Variants in PDPK1 observed in about 807,000 individuals in gnomAD.
PDPK1 encodes the protein 3-phosphoinositide-dependent protein kinase 1.
A neutral mutation model predicts 39.8 loss-of-function variants in PDPK1; 7 were observed. That is an observed-to-expected ratio of 0.18 (90% CI 0.10 to 0.33). The LOEUF (loss-of-function observed/expected upper bound fraction) is 0.33, where lower values mean the gene tolerates loss of function less well. Among genes scored for constraint, PDPK1 ranks in the 10% least tolerant of loss-of-function variants. PDPK1 has a pLI of 1.00. For synonymous variants in PDPK1, 118 were observed against 159.1 expected (o/e 0.74, Z 1.95); for missense variants, 182 against 384.7 (o/e 0.47, Z 4.41).
chr16:2,586,560 C>A, intron 10 of PDPK1, 116 bp from the exon 11 acceptor site: 1 of 820,584 alleles, frequency 1.2e-6, no homozygotes, highest in East Asian at 2.5e-5. Flanking sequence ...TGTCGCCTTG[C>A]GCCTTGCTGT....
rs192589914 is a variant in PDPK1, at chr16:2,544,285, A to G, written c.24+6149A>G. ...GTATAACTTTCCTCAGGCCCAGGGA[A>G]AAGCTTGGAGGGAGGTTCCCACAGA... On this transcript the variant is annotated intron_variant, in intron 1 of 13. Coordinates refer to ENST00000342085, the MANE Select transcript of PDPK1 (RefSeq NM_002613.5). Among the ~76,000 whole-genome samples, 330 of 152,246 alleles carry G rather than the reference A, an allele frequency of 2.2e-3. 1 individual carries two copies. Among genetic ancestry groups the G allele is most frequent in the African/African-American group, 7.4e-3 (306 of 41,540 alleles).
At chr16:2,538,412 C>T (rs1053915099) in intron 1 of PDPK1, 5 of 389,444 alleles carry the variant, frequency 1.3e-5, no homozygotes, top group Non-Finnish European at 2.5e-5. Flanking sequence ...TCACCCGGCC[C>T]AGCGGGGTGG....
intron 1 of PDPK1, among the ~76,000 whole-genome samples, chr16:2,542,542 A>G (rs1452811835): frequency 6.6e-6 from 1 of 152,140 alleles, no homozygotes; most frequent in Non-Finnish European, 1.5e-5. Context: ...TATGAAAAAG[A>G]TGGACAAGCC....
intron 1 of PDPK1, among the ~76,000 whole-genome samples, chr16:2,545,528 T>A (rs1010382042): frequency 6.7e-6 from 1 of 148,792 alleles, no homozygotes; most frequent in Non-Finnish European, 1.5e-5. Flanking sequence ...GGAGTCTGGC[T>A]CTGTTCCCCA....
intron 1 of PDPK1, among the ~76,000 whole-genome samples, chr16:2,545,145 T>A (rs1371367314): frequency 6.6e-6 from 1 of 151,232 alleles, no homozygotes; most frequent in African/African-American, 2.4e-5. Context: ...CAAGTGATTC[T>A]CCTGCCTCTG....
rs146022473 is a variant in PDPK1, at chr16:2,595,598, C to T, written c.1344-195C>T. On this transcript the variant is annotated intron_variant, in intron 11 of 13. Coordinates refer to ENST00000342085, the MANE Select transcript of PDPK1 (RefSeq NM_002613.5). ...GTATCTGCAGGCTCCGTTGCAAATA[C>T]GGATTAAGGCTCTCTGCGTGGCAGT... Among the ~76,000 whole-genome samples, 348 of 152,276 alleles carry T rather than the reference C, an allele frequency of 2.3e-3. 1 individual carries two copies. The highest frequency in any genetic ancestry group is 3.4e-3 in the Middle Eastern group (1 of 294).
chr16:2,538,610 C>T (rs766227620), intron 1 of PDPK1: 2 of 1,288,974 alleles, frequency 1.6e-6, no homozygotes, highest in Non-Finnish European at 2.0e-6. Context: ...CCTGGGCCCC[C>T]TTTTCCAGAT....
At chr16:2,592,344 G>A (rs925456861) in intron 11 of PDPK1, among the ~76,000 whole-genome samples, 4 of 152,284 alleles carry the variant, frequency 2.6e-5, no homozygotes, top group African/African-American at 4.8e-5. Context: ...AGGTGCCTCG[G>A]GAAAGTCCCG....
At chr16:2,539,482 TCTG>T (rs2066204560) in intron 1 of PDPK1, 1 of 152,072 alleles carries the variant, frequency 6.6e-6, no homozygotes, top group African/African-American at 2.4e-5. Context: ...TGGGCCCTCT[TCTG>T]AGAAAAAGGC....
intron 1 of PDPK1, among the ~76,000 whole-genome samples, chr16:2,550,388 A>G (rs1160941018): frequency 4.0e-5 from 3 of 74,738 alleles, no homozygotes; most frequent in Non-Finnish European, 7.5e-5. Flanking sequence ...AGAAGGCTCG[A>G]GTGGCCCTCC....
chr16:2,586,771 G>A lies in PDPK1; in HGVS notation c.1221G>A (p.Arg407=), dbSNP rs890994621. Residue 407 remains arginine, a synonymous_variant, in exon 11 of 14, where the codon AGG becomes AGA. Coordinates refer to ENST00000342085, the MANE Select transcript of PDPK1 (RefSeq NM_002613.5). ...CCTCCGACACGGGCCTGCCCCAGAG[G>A]TCAGGCAGCAACATAGAGCAGTACA... ...LSASDTGLPQ[R]SGSNIEQYIH... 6.2e-7 allele frequency: 1 copy of A among 1,614,282 alleles called. No homozygotes were observed.
intron 1 of PDPK1, among the ~76,000 whole-genome samples, chr16:2,546,149 T>C (rs1313444181): frequency 6.6e-6 from 1 of 152,038 alleles, no homozygotes; most frequent in African/African-American, 2.4e-5. Flanking sequence ...AGTGGCGCGA[T>C]CTCGGCTCAC....
intron 1 of PDPK1, among the ~76,000 whole-genome samples, chr16:2,545,997 A>G (rs1042230607): frequency 2.0e-5 from 3 of 152,262 alleles, no homozygotes; most frequent in South Asian, 2.1e-4. Context: ...AGGATTCACA[A>G]TCTGGATTTG....
At chr16:2,541,385 TG>T (rs1269488711) in intron 1 of PDPK1, among the ~76,000 whole-genome samples, 2 of 152,142 alleles carry the variant, frequency 1.3e-5, no homozygotes, top group African/African-American at 4.8e-5. Context: ...GGTGATGAAC[TG>T]GGAAGCGCTG....
chr16:2,544,590 AT>A (rs898722185), intron 1 of PDPK1, among the ~76,000 whole-genome samples: 20 of 148,514 alleles, frequency 1.3e-4, no homozygotes, highest in African/African-American at 2.2e-4. Flanking sequence ...CCTCCCCCAA[AT>A]TTTTTTTTTT....
At chr16:2,539,059 C>T (rs2066193512) in intron 1 of PDPK1, 3 of 205,690 alleles carry the variant, frequency 1.5e-5, no homozygotes, top group Admixed American at 1.1e-4. Context: ...TAATTGATCC[C>T]GTGTCTTCCA....
Position 2,597,554 on chromosome 16 carries a change from A to G in PDPK1, c.1555-97A>G, listed in dbSNP as rs1380019176. The G allele has an allele frequency of 3.4e-6, 3 of 890,812 alleles. No individual in the cohort carries two copies. Among genetic ancestry groups the G allele is most frequent in the Admixed American group, 1.7e-5 (1 of 57,496 alleles). 55.2% of individuals were successfully genotyped at this position (890,812 alleles called of 1,614,324 possible). ...ATAACCGTCACACCCACGTGCTTTC[A>G]GGACTCGGAATGGCTGGTCGCAGGC... On this transcript the variant is annotated intron_variant, in intron 13 of 13. Transcript: ENST00000342085. The surrounding 1 kb of genome is among the most constrained non-coding windows in gnomAD (Gnocchi z 6.3).
intron 1 of PDPK1, 64 bp downstream of exon 1, chr16:2,538,200 G>A: frequency 1.1e-6 from 1 of 946,686 alleles, no homozygotes; most frequent in Non-Finnish European, 1.3e-6. Flanking sequence ...GCGGCCGCCC[G>A]GGTCCGGCGA....
At chr16:2,596,638 A>G (rs757388492) in intron 12 of PDPK1, among the ~76,000 whole-genome samples, 6 of 152,266 alleles carry the variant, frequency 3.9e-5, no homozygotes, top group Non-Finnish European at 7.3e-5. Flanking sequence ...CTTCTACAGT[A>G]GAACGTCAGA....
Sources: gnomAD v4.1 joint callset for allele counts (sites outside exome capture counted in the v4.1 genomes callset) on GRCh38, gnomAD v4.1.1 for gene constraint, Gnocchi (gnomAD v3.1) non-coding constraint, MANE v1.5 for transcripts, NCBI Gene and HGNC (gene_info 2026-07-23, HGNC 2026-07-21) for gene names.